PDE4B: variants seen among roughly 807,000 people sequenced by gnomAD.
PDE4B encodes 3',5'-cyclic-AMP phosphodiesterase 4B.
In PDE4B, 20 loss-of-function variants were observed where a neutral mutation model predicts 82.2. The ratio of observed to expected loss-of-function variants is 0.24; its 90% CI spans 0.17 to 0.35. The LOEUF is 0.35. Ranked by LOEUF, PDE4B falls within the 10% of genes least tolerant of loss-of-function variation. The pLI is 1.00. For synonymous variants in PDE4B, 320 were observed against 318.9 expected, an observed-to-expected ratio of 1.00 and a Z score of -0.04; for missense variants, 655 against 907.2, an observed-to-expected ratio of 0.72 and a Z score of 3.57.
chr1:66,185,854 T>C lies in PDE4B; in HGVS notation c.282-61606T>C, dbSNP rs369340685. On this transcript the variant is annotated intron_variant, in intron 3 of 16. Coordinates refer to ENST00000341517, the MANE Select transcript of PDE4B (RefSeq NM_002600.4). ...CTTTAGTTTAATTAGATCCCATTTGTCAATTTTGGCTTTTGTTGCCATTGC... is the reference window on the plus strand; with the variant it reads ...CTTTAGTTTAATTAGATCCCATTTGCCAATTTTGGCTTTTGTTGCCATTGC... Among the ~76,000 whole-genome samples, 70 of 152,314 alleles carry C rather than the reference T, an allele frequency of 4.6e-4. No individual in the cohort carries two copies. In the East Asian group the frequency reaches 0.013, roughly 29 times the overall value.
intron 1 of PDE4B, among the ~76,000 whole-genome samples, chr1:65,909,312 T>G (rs1461427603): frequency 6.6e-6 from 1 of 152,200 alleles, no homozygotes; most frequent in Non-Finnish European, 1.5e-5. Context: ...CATTTCTGCA[T>G]GGTTTTGTCT....
chr1:65,820,377 A>T (rs1645939274), intron 1 of PDE4B, among the ~76,000 whole-genome samples: 1 of 152,244 alleles, frequency 6.6e-6, no homozygotes, highest in Non-Finnish European at 1.5e-5. Context: ...TTAGATAGGC[A>T]CTTTTTGCAA....
At chr1:66,283,658 C>G (rs1353213021) in intron 7 of PDE4B, among the ~76,000 whole-genome samples, 1 of 151,764 alleles carries the variant, frequency 6.6e-6, no homozygotes, top group Non-Finnish European at 1.5e-5. Flanking sequence ...TTCTGTGGCC[C>G]TTGTATAGAA....
intron 3 of PDE4B, among the ~76,000 whole-genome samples, chr1:66,074,469 A>G (rs2100936803): frequency 6.6e-6 from 1 of 152,280 alleles, no homozygotes; most frequent in South Asian, 2.1e-4. Context: ...TTTAAATTGT[A>G]CTAATATTAC....
intron 3 of PDE4B, among the ~76,000 whole-genome samples, chr1:66,118,177 T>C (rs11806818): frequency 3.0e-4 from 46 of 152,294 alleles, no homozygotes; most frequent in African/African-American, 1.1e-3. Flanking sequence ...TTTCTTGTAA[T>C]CTAGAACTAG....
intron 3 of PDE4B, among the ~76,000 whole-genome samples, chr1:65,951,386 G>A (rs1648987560): frequency 6.6e-6 from 1 of 152,026 alleles, no homozygotes; most frequent in Non-Finnish European, 1.5e-5. Flanking sequence ...ATGTAGAAGT[G>A]GCCAAGAATA....
At chr1:66,311,342 C>T (rs1658653036) in intron 7 of PDE4B, among the ~76,000 whole-genome samples, 1 of 152,228 alleles carries the variant, frequency 6.6e-6, no homozygotes, top group Admixed American at 6.5e-5. Context: ...AGACTGTTTG[C>T]ATATTGAAAT....
chr1:66,247,752 A>G lies in PDE4B; in HGVS notation c.476+98A>G, dbSNP rs529036315. The G allele has an allele frequency of 4.4e-6, 4 of 899,500 alleles. No homozygotes were observed. The African/African-American group carries it at 5.0e-5, about 11-fold the overall frequency. 55.7% of individuals were successfully genotyped at this position (899,500 alleles called of 1,614,324 possible). On this transcript the variant is annotated intron_variant, in intron 4 of 16. Transcript: ENST00000341517. ...AACAATTCCCCATTAATCTATGGTAAGGATGAAGGAAGAAAATGAATATGA... is the reference window on the plus strand; with the variant it reads ...AACAATTCCCCATTAATCTATGGTAGGGATGAAGGAAGAAAATGAATATGA...
At position 66,169,589 on chromosome 1, in the gene PDE4B, C is replaced by T. The variant is rs151244486; in HGVS notation, c.282-77871C>T. Reference sequence around the variant, plus strand: ...ATGGTGCACTGAATGAGCTAAACAACGCAGAACGAGTCAGACAGGAGGTTG... The same window carrying T: ...ATGGTGCACTGAATGAGCTAAACAATGCAGAACGAGTCAGACAGGAGGTTG... On this transcript the variant is annotated intron_variant, in intron 3 of 16. Transcript: ENST00000341517. Among the ~76,000 whole-genome samples, 160 of 152,258 alleles carry T rather than the reference C, an allele frequency of 1.1e-3. 1 individual carries two copies. The highest frequency in any genetic ancestry group is 3.5e-3 in the South Asian group (17 of 4,822).
chr1:65,865,881 T>C (rs146751829), intron 1 of PDE4B, among the ~76,000 whole-genome samples: 2 of 152,158 alleles, frequency 1.3e-5, no homozygotes, highest in Non-Finnish European at 2.9e-5. Context: ...TCTTTCTCTC[T>C]GTCTCCCTCT....
At position 65,793,117 on chromosome 1, in the gene PDE4B, CG is replaced by C. The variant is rs1645591207; in HGVS notation, c.-200del. 1 of 152,120 alleles carries C rather than the reference CG, an allele frequency of 6.6e-6. No homozygotes were observed. The highest frequency in any genetic ancestry group is 1.5e-5 in the Non-Finnish European group (1 of 68,080). The allele number at this position is 152,120 out of a possible 1,614,324, so 9.4% of individuals were successfully genotyped here. On this transcript the variant is annotated 5_prime_UTR_variant, in exon 1 of 17. Coordinates refer to ENST00000341517, the MANE Select transcript of PDE4B (RefSeq NM_002600.4). ...CTTTCGTCCCCCACCCCCGGGAGCG[CG>C]GAAGGCTCACTCGCAGCGCATGGTC...
chr1:66,299,418 A>T (rs1245475699), intron 7 of PDE4B, among the ~76,000 whole-genome samples: 1 of 152,168 alleles, frequency 6.6e-6, no homozygotes, highest in Non-Finnish European at 1.5e-5. Flanking sequence ...TCATGAGTGA[A>T]TAGCATTCCA....
At chr1:65,945,916 T>C (rs765875687) in intron 3 of PDE4B, among the ~76,000 whole-genome samples, 7 of 152,030 alleles carry the variant, frequency 4.6e-5, no homozygotes, top group Non-Finnish European at 1.0e-4. Context: ...CAATCTTGTT[T>C]ATTTCAAGGC....
intron 3 of PDE4B, among the ~76,000 whole-genome samples, chr1:66,032,431 A>G (rs143933044): frequency 6.6e-6 from 1 of 152,292 alleles, no homozygotes; most frequent in African/African-American, 2.4e-5. Context: ...AAGTGTATCC[A>G]TTTTGAATAA....
At chr1:65,817,390 T>C (rs2101224054) in intron 1 of PDE4B, among the ~76,000 whole-genome samples, 1 of 152,326 alleles carries the variant, frequency 6.6e-6, no homozygotes, top group East Asian at 1.9e-4. Context: ...ATGAAAGGAC[T>C]GAGCCTTAAG....
At chr1:66,083,891 T>A (rs1384875176) in intron 3 of PDE4B, among the ~76,000 whole-genome samples, 1 of 152,198 alleles carries the variant, frequency 6.6e-6, no homozygotes, top group Non-Finnish European at 1.5e-5. Flanking sequence ...TATGTGCCAG[T>A]CTTCTTTCTT....
intron 3 of PDE4B, among the ~76,000 whole-genome samples, chr1:66,146,343 C>T (rs1299784533): frequency 6.6e-6 from 1 of 152,022 alleles, no homozygotes; most frequent in Non-Finnish European, 1.5e-5. Flanking sequence ...GCCACCATGC[C>T]TGGCTATTTT....
At chr1:66,301,204 G>A (rs896280301) in intron 7 of PDE4B, among the ~76,000 whole-genome samples, 2 of 152,038 alleles carry the variant, frequency 1.3e-5, no homozygotes, top group Non-Finnish European at 1.5e-5. Context: ...TTTTCTATGG[G>A]TAATTTTTAA....
intron 3 of PDE4B, among the ~76,000 whole-genome samples, chr1:66,161,620 A>T (rs1308126324): frequency 6.6e-6 from 1 of 152,052 alleles, no homozygotes; most frequent in Non-Finnish European, 1.5e-5. Flanking sequence ...TATTATTATT[A>T]TTATTTATAT....
Sources: allele counts gnomAD v4.1 joint callset (sites outside exome capture counted in the v4.1 genomes callset), GRCh38; gene constraint gnomAD v4.1.1; transcripts MANE v1.5; gene names NCBI Gene and HGNC (gene_info 2026-07-23, HGNC 2026-07-21).